The following SCRG1 variants were observed in gnomAD, a reference collection of about 807,000 sequenced individuals.
SCRG1 encodes the protein stimulator of chondrogenesis 1.
Under a neutral mutation model 7.7 loss-of-function variants are expected in SCRG1, and 3 were observed. The ratio of observed to expected loss-of-function variants is 0.39; its 90% confidence interval spans 0.18 to 1.01. The LOEUF (loss-of-function observed/expected upper bound fraction) is 1.01, where lower values mean the gene tolerates loss of function less well. SCRG1 is among the 50% of genes least tolerant of loss of function. The probability of loss-of-function intolerance (pLI) is 0.36; values close to 1 mark genes in which losing one functional copy is unlikely to be tolerated. For missense variants in SCRG1, 110 were observed against 117.2 expected (o/e 0.94, Z 0.28); for synonymous variants, 46 against 41.2 (o/e 1.12, Z -0.44).
the SCRG1 span, among the ~76,000 whole-genome samples, chr4:173,436,500 G>A: frequency 1.3e-5 from 2 of 152,114 alleles, no homozygotes; most frequent in Non-Finnish European, 2.9e-5. Flanking sequence ...CCAGCCGGGG[G>A]CAGGGAAATG....
the SCRG1 span, among the ~76,000 whole-genome samples, chr4:173,513,383 T>A: frequency 6.6e-6 from 1 of 152,196 alleles, no homozygotes; most frequent in Non-Finnish European, 1.5e-5. Flanking sequence ...GGAGTTTACA[T>A]CATTACTCCC....
At chr4:173,483,079 T>A in the SCRG1 span, among the ~76,000 whole-genome samples, 1 of 80,300 alleles carries the variant, frequency 1.2e-5, no homozygotes, top group Non-Finnish European at 2.4e-5. Context: ...ATATTTTATA[T>A]ATATTATATA....
At chr4:173,436,527 T>C in the SCRG1 span, among the ~76,000 whole-genome samples, 5 of 152,168 alleles carry the variant, frequency 3.3e-5, no homozygotes, top group Non-Finnish European at 7.3e-5. Flanking sequence ...CAGAGAGCCA[T>C]TTCTCATGGT....
chr4:173,400,048 T>TA (rs1291036465), upstream of SCRG1, among the ~76,000 whole-genome samples: 7 of 152,170 alleles, frequency 4.6e-5, no homozygotes, highest in African/African-American at 2.4e-5. Flanking sequence ...TATGCCATGC[T>TA]AAAAAAATTG....
At chr4:173,435,479 T>G in the SCRG1 span, among the ~76,000 whole-genome samples, 1 of 152,142 alleles carries the variant, frequency 6.6e-6, no homozygotes, top group African/African-American at 2.4e-5. Context: ...GATATGAGTG[T>G]CTAAAGTGGG....
the SCRG1 span, among the ~76,000 whole-genome samples, chr4:173,484,009 T>TGAAA: frequency 1.1e-5 from 1 of 91,170 alleles, no homozygotes; most frequent in Non-Finnish European, 1.9e-5. Flanking sequence ...ATATTACATA[T>TGAAA]TATATAATAT....
At chr4:173,476,472 G>A in the SCRG1 span, among the ~76,000 whole-genome samples, 1 of 151,414 alleles carries the variant, frequency 6.6e-6, no homozygotes, top group African/African-American at 2.4e-5. Context: ...AAGTCAGTGT[G>A]CACTGAGTAG....
chr4:173,419,594 C>A, the SCRG1 span: 1 of 725,668 alleles, frequency 1.4e-6, no homozygotes, highest in South Asian at 1.4e-5. Flanking sequence ...AGAATCATAA[C>A]CAAGGATTCA....
the SCRG1 span, among the ~76,000 whole-genome samples, chr4:173,458,610 G>A: frequency 2.0e-5 from 3 of 152,116 alleles, no homozygotes; most frequent in East Asian, 5.8e-4. Context: ...TATACACAAA[G>A]GCGAAAGAGA....
the SCRG1 span, among the ~76,000 whole-genome samples, chr4:173,514,946 A>G: frequency 5.9e-5 from 9 of 152,362 alleles, no homozygotes; most frequent in South Asian, 2.1e-4. Flanking sequence ...GGCAATAAAC[A>G]GACCCGCCCC....
At chr4:173,435,894 A>G in the SCRG1 span, among the ~76,000 whole-genome samples, 2 of 152,192 alleles carry the variant, frequency 1.3e-5, no homozygotes, top group South Asian at 2.1e-4. Context: ...AAGAAATATA[A>G]GAATAATGTG....
chr4:173,494,296 G>A, the SCRG1 span, among the ~76,000 whole-genome samples: 1 of 152,118 alleles, frequency 6.6e-6, no homozygotes, highest in Non-Finnish European at 1.5e-5. Context: ...AAAACCCACT[G>A]TAAACACCGC....
intron 1 of SCRG1, among the ~76,000 whole-genome samples, chr4:173,393,921 G>GA (rs1739519253): frequency 6.6e-6 from 1 of 152,054 alleles, no homozygotes; most frequent in South Asian, 2.1e-4. Flanking sequence ...TGTCAGATAT[G>GA]AAATAGTCCA....
At chr4:173,518,871 C>T in the SCRG1 span, among the ~76,000 whole-genome samples, 1 of 151,328 alleles carries the variant, frequency 6.6e-6, no homozygotes, top group Non-Finnish European at 1.5e-5. Context: ...CGCTTCCCGC[C>T]AGCATCTCTC....
chr4:173,497,899 C>T, the SCRG1 span, among the ~76,000 whole-genome samples: 3 of 152,038 alleles, frequency 2.0e-5, no homozygotes, highest in South Asian at 4.1e-4. Context: ...AGGCTGGTCT[C>T]GAACTCCGGA....
the SCRG1 span, among the ~76,000 whole-genome samples, chr4:173,505,271 A>T: frequency 1.3e-5 from 2 of 151,946 alleles, no homozygotes; most frequent in African/African-American, 4.8e-5. The surrounding 1 kb of genome is among the most constrained non-coding windows in gnomAD (Gnocchi z 4.4). Flanking sequence ...GGCTTTCAGG[A>T]CTCTTTAACA....
At chr4:173,513,940 A>T in the SCRG1 span, among the ~76,000 whole-genome samples, 1 of 152,212 alleles carries the variant, frequency 6.6e-6, no homozygotes, top group South Asian at 2.1e-4. Flanking sequence ...TTTTTAAACC[A>T]TGAGAATTAC....
At chr4:173,466,372 T>C in the SCRG1 span, among the ~76,000 whole-genome samples, 3 of 152,180 alleles carry the variant, frequency 2.0e-5, no homozygotes, top group Non-Finnish European at 4.4e-5. Flanking sequence ...CCAACAATTT[T>C]TCAGTCTACA....
the SCRG1 span, among the ~76,000 whole-genome samples, chr4:173,484,321 ATACATAATATATTTAACATAT>A: frequency 1.4e-5 from 1 of 70,904 alleles, no homozygotes; most frequent in East Asian, 4.0e-4. Context: ...TATATATTTT[ATACATAATATATTTAACATAT>A]TATATAATAT....
Sources: allele counts gnomAD v4.1 joint callset (sites outside exome capture counted in the v4.1 genomes callset), GRCh38; gene constraint gnomAD v4.1.1; non-coding constraint Gnocchi (gnomAD v3.1); transcripts MANE v1.5; gene names NCBI Gene and HGNC (gene_info 2026-07-23, HGNC 2026-07-21).